Variants in ABCA12 observed in about 807,000 individuals in gnomAD.
ABCA12 encodes the protein glucosylceramide transporter ABCA12.
Under a neutral mutation model 293.5 loss-of-function variants are expected in ABCA12, and 156 were observed. That is an observed-to-expected ratio of 0.53 (90% CI 0.47 to 0.61). ABCA12 has a LOEUF of 0.61. Ranked by LOEUF, ABCA12 falls within the 20% of genes least tolerant of loss-of-function variation. ABCA12 has a pLI of 0.00. For synonymous variants in ABCA12, 1,063 were observed against 1,108.0 expected (o/e 0.96, Z 0.81); for missense variants, 2,797 against 3,090.2 (o/e 0.91, Z 2.25).
chr2:214,950,521 T>TTC, intron 45 of ABCA12, among the ~76,000 whole-genome samples: 1 of 151,036 alleles, frequency 6.6e-6, no homozygotes, highest in East Asian at 1.9e-4. Context: ...TTTTTTTTTT[T>TTC]TTTGAGGCAG....
chr2:215,017,932 G>C, intron 14 of ABCA12, 76 bp downstream of exon 14: 1 of 1,594,170 alleles, frequency 6.3e-7, no homozygotes, highest in Non-Finnish European at 8.6e-7. Context: ...TGTTTAACTG[G>C]TAAGCGCTCA....
At chr2:214,933,588 A>G (rs1380988270) in intron 52 of ABCA12, among the ~76,000 whole-genome samples, 2 of 151,162 alleles carry the variant, frequency 1.3e-5, no homozygotes. Flanking sequence ...GTAGTTATTA[A>G]ATGCAAATGT....
intron 39 of ABCA12, among the ~76,000 whole-genome samples, chr2:214,965,964 A>G (rs1420266989): frequency 2.0e-5 from 3 of 152,230 alleles, no homozygotes; most frequent in Non-Finnish European, 4.4e-5. Flanking sequence ...TATTCACAAT[A>G]GCAAAGATAT....
chr2:215,136,613 C>A (rs921267773), intron 1 of ABCA12, among the ~76,000 whole-genome samples: 2 of 152,100 alleles, frequency 1.3e-5, no homozygotes, highest in Admixed American at 1.3e-4. Flanking sequence ...CTTGACTGTA[C>A]GTGGATTTCT....
At chr2:215,010,266 G>A (rs1170859125) in intron 18 of ABCA12, 65 bp downstream of exon 18, 3 of 1,566,348 alleles carry the variant, frequency 1.9e-6, no homozygotes, top group Non-Finnish European at 2.6e-6. Flanking sequence ...AAGTAAATTT[G>A]GAAGTTGACT....
At chr2:214,998,060 A>G (rs1483826798) in intron 22 of ABCA12, among the ~76,000 whole-genome samples, 1 of 152,068 alleles carries the variant, frequency 6.6e-6, no homozygotes, top group African/African-American at 2.4e-5. Context: ...TAAAATTGCC[A>G]TATTGTTTAA....
At chr2:214,937,795 A>G (rs1261755125) in intron 50 of ABCA12, among the ~76,000 whole-genome samples, 180 bp from the exon 51 acceptor site, 3 of 152,172 alleles carry the variant, frequency 2.0e-5, no homozygotes, top group Admixed American at 1.3e-4. Context: ...GTGCACTGCT[A>G]TGATTTTTTA....
At chr2:214,999,679 T>C (rs1318995829) in intron 22 of ABCA12, 1 of 344,600 alleles carries the variant, frequency 2.9e-6, no homozygotes, top group Non-Finnish European at 4.1e-6. Context: ...ATCTTTATAA[T>C]TTGTGCAAAC....
chr2:215,047,202 T>C (rs73072698), intron 6 of ABCA12, among the ~76,000 whole-genome samples: 4,886 of 152,284 alleles, frequency 0.032, 268 homozygotes, highest in African/African-American at 0.11. Flanking sequence ...GAAACCTGCA[T>C]GTCCTACACA....
At chr2:214,937,452 A>C (rs1197782542) in intron 51 of ABCA12, 58 bp downstream of exon 51, 3 of 1,384,944 alleles carry the variant, frequency 2.2e-6, no homozygotes, top group Non-Finnish European at 3.1e-6. Context: ...CCCGCCTCGG[A>C]CTCCCAAAGT....
chr2:214,976,656 G>T (rs1403954085), intron 33 of ABCA12, among the ~76,000 whole-genome samples: 4 of 151,972 alleles, frequency 2.6e-5, no homozygotes, highest in African/African-American at 9.7e-5. Flanking sequence ...AATTTGGAAT[G>T]ATTATATGGC....
chr2:215,000,642 G>T, intron 22 of ABCA12, 63 bp downstream of exon 22: 1 of 1,575,708 alleles, frequency 6.3e-7, no homozygotes, highest in South Asian at 1.1e-5. Flanking sequence ...TGAATGAATG[G>T]ACTGAAGTGA....
intron 2 of ABCA12, among the ~76,000 whole-genome samples, chr2:215,108,112 G>C (rs1702499801): frequency 1.3e-5 from 2 of 152,046 alleles, no homozygotes; most frequent in Admixed American, 1.3e-4. Context: ...GGATTCTAGA[G>C]TTTCATCTTC....
chr2:215,126,790 T>G (rs1373570624), intron 1 of ABCA12, among the ~76,000 whole-genome samples: 1 of 152,148 alleles, frequency 6.6e-6, no homozygotes, highest in Non-Finnish European at 1.5e-5. Context: ...TTCAATATCA[T>G]TTAGTTCTGC....
rs372947208 is a variant in ABCA12, at chr2:215,019,365, T to C, written c.1628A>G (p.Asn543Ser). The C allele has an allele frequency of 1.3e-5, 21 of 1,612,506 alleles. No homozygotes were observed. The highest frequency in any genetic ancestry group is 2.2e-5 in the East Asian group (1 of 44,886). The change falls in exon 13 of 53, where the codon AAT (asparagine) becomes AGT (serine). Residue 543 changes from asparagine to serine, a missense_variant. Around this residue, in one of 3 missense-constraint regions of ABCA12, gnomAD observed 656 missense variants for 638.2 expected, o/e 1.03. Coordinates refer to ENST00000272895, the MANE Select transcript of ABCA12 (RefSeq NM_173076.3). ...CTTTTCAGAAGCATCTGCACTGTTA[T>C]TGACATGCAGCATGGCTTCTATGAT... The part of the protein sequence containing the change: ...IPIIEAMLHV[N>S]NSADASEKPG...
At chr2:214,971,010 C>T (rs757281967) in intron 36 of ABCA12, among the ~76,000 whole-genome samples, 3 of 152,048 alleles carry the variant, frequency 2.0e-5, no homozygotes, top group Non-Finnish European at 4.4e-5. Flanking sequence ...CCTGTGTACC[C>T]TGGTCACTTT....
intron 19 of ABCA12, among the ~76,000 whole-genome samples, chr2:215,006,468 AATTT>A (rs1390495692): frequency 2.0e-5 from 3 of 152,130 alleles, no homozygotes; most frequent in African/African-American, 4.8e-5. Context: ...CTATTTTAGA[AATTT>A]ATTTAATCAT....
At chr2:215,017,818 T>C in intron 14 of ABCA12, 190 bp downstream of exon 14, 2 of 678,594 alleles carry the variant, frequency 2.9e-6, no homozygotes, top group Non-Finnish European at 4.9e-6. Flanking sequence ...AAGGGACACA[T>C]AGTGATAAAA....
chr2:215,119,970 C>T (rs1317909122), intron 1 of ABCA12, among the ~76,000 whole-genome samples: 2 of 152,068 alleles, frequency 1.3e-5, no homozygotes, highest in African/African-American at 4.8e-5. Context: ...AAGATACATA[C>T]ACTCACCATG....
Sources: allele counts gnomAD v4.1 joint callset (sites outside exome capture counted in the v4.1 genomes callset), GRCh38; gene constraint gnomAD v4.1.1; regional missense constraint gnomAD v4.1.1; transcripts MANE v1.5; gene names NCBI Gene and HGNC (gene_info 2026-07-23, HGNC 2026-07-21).